ZNF148: variants seen among roughly 807,000 people sequenced by gnomAD.
The protein encoded by ZNF148 is zinc finger protein 148.
ZNF148 carries 7 observed loss-of-function variants against 67.7 expected under a neutral mutation model. That is an observed-to-expected ratio of 0.10 (90% CI 0.06 to 0.19). The LOEUF is 0.19. Ranked by LOEUF, ZNF148 falls within the 10% of genes least tolerant of loss-of-function variation. The probability of loss-of-function intolerance (pLI) is 1.00; values close to 1 mark genes in which losing one functional copy is unlikely to be tolerated. For synonymous variants in ZNF148, 333 were observed against 330.7 expected, an observed-to-expected ratio of 1.01 and a Z score of -0.08; for missense variants, 583 against 947.1, an observed-to-expected ratio of 0.62 and a Z score of 5.05.
Position 125,375,111 on chromosome 3 carries a change from G to A in ZNF148, c.-243C>T, listed in dbSNP as rs367568614. The stretch of plus-strand genomic sequence containing the variant: ...AGGCCGAGCGCTTTACCGCGGGCGG[G>A]CGCCGAGTCGCGCGGTCACCGACTG... On this transcript the variant is annotated 5_prime_UTR_variant, in exon 1 of 9. Transcript: ENST00000360647. 2.0e-5 allele frequency: 3 copies of A among 151,792 alleles called. No homozygotes were observed. The highest frequency in any genetic ancestry group is 2.9e-5 in the Non-Finnish European group (2 of 67,960). 9.4% of individuals were successfully genotyped at this position (151,792 alleles called of 1,614,324 possible).
At chr3:125,260,044 G>A (rs534103653) in intron 7 of ZNF148, among the ~76,000 whole-genome samples, 17 of 152,280 alleles carry the variant, frequency 1.1e-4, no homozygotes, top group Middle Eastern at 6.8e-3. Context: ...CAGCCAGTTG[G>A]TGGAGCAGTT....
chr3:125,326,151 GC>G (rs1941007962), intron 2 of ZNF148, among the ~76,000 whole-genome samples: 1 of 152,034 alleles, frequency 6.6e-6, no homozygotes, highest in East Asian at 1.9e-4. Flanking sequence ...ACTAAAGGAA[GC>G]CCATTAAGCT....
chr3:125,259,399 T>G (rs911513347), intron 7 of ZNF148, among the ~76,000 whole-genome samples: 1 of 152,166 alleles, frequency 6.6e-6, no homozygotes, highest in Non-Finnish European at 1.5e-5. Context: ...TAAGATACTG[T>G]GGAGATGTAA....
At position 125,350,605 on chromosome 3, in the gene ZNF148, T is replaced by G. The variant is rs9855686; in HGVS notation, c.-233-19367A>C. Among the ~76,000 whole-genome samples, 376 of 152,332 alleles carry G rather than the reference T, an allele frequency of 2.5e-3. 2 individuals are homozygous for G. Among genetic ancestry groups the G allele is most frequent in the African/African-American group, 8.7e-3 (361 of 41,572 alleles). ...CAGGATGAAACTGTTCCACCTTAGATCATCAGGCATTAGATTCTCAAAAGG... is the reference window on the plus strand; with the variant it reads ...CAGGATGAAACTGTTCCACCTTAGAGCATCAGGCATTAGATTCTCAAAAGG... On this transcript the variant is annotated intron_variant, in intron 1 of 8. Coordinates refer to ENST00000360647, the MANE Select transcript of ZNF148 (RefSeq NM_021964.3).
intron 7 of ZNF148, among the ~76,000 whole-genome samples, chr3:125,260,046 G>A (rs954043831): frequency 3.9e-5 from 6 of 152,142 alleles, no homozygotes; most frequent in African/African-American, 1.4e-4. Context: ...GCCAGTTGGT[G>A]GAGCAGTTGG....
chr3:125,228,967 A>G lies in ZNF148; in HGVS notation c.*3374T>C, dbSNP rs954283789. On this transcript the variant is annotated 3_prime_UTR_variant, in exon 9 of 9. Coordinates refer to ENST00000360647, the MANE Select transcript of ZNF148 (RefSeq NM_021964.3). ...TTTGTTTCCTACCAAAGTTTAAGTG[A>G]AAAAAGGAAACACGGTTTTTATTTG... The G allele has an allele frequency of 6.6e-6, 1 of 152,602 alleles. No individual in the cohort carries two copies. 9.5% of individuals were successfully genotyped at this position (152,602 alleles called of 1,614,324 possible).
rs947583970 is a variant in ZNF148 at position 125,233,608 on chromosome 3, A to C, written c.1118T>G (p.Val373Gly). ...EYAVEMPHSS[V>G]GGSHLEDASG... ...CGCATCTTCTAAATGCGAGCCCCCA[A>C]CTGACGAATGTGGCATTTCAACAGC... is the stretch of plus-strand genomic sequence containing the variant. Residue 373 changes from valine to glycine, a missense_variant, in exon 9 of 9, where the codon GTT becomes GGT. Val to Gly is a moderately radical substitution (Grantham distance 109). Transcript: ENST00000360647. The surrounding 1 kb of genome is among the most constrained non-coding windows in gnomAD (Gnocchi z 5.1). The C allele has an allele frequency of 1.9e-6, 3 of 1,613,862 alleles. No homozygotes were observed. In the African/African-American group the frequency reaches 4.0e-5, roughly 22 times the overall value.
chr3:125,343,490 G>C, intron 1 of ZNF148, among the ~76,000 whole-genome samples: 1 of 18,350 alleles, frequency 5.4e-5, no homozygotes, highest in Non-Finnish European at 1.2e-4. Flanking sequence ...TCACCAATGA[G>C]CACTCTGTAG....
chr3:125,231,431 C>G lies in ZNF148; in HGVS notation c.*910G>C, dbSNP rs1305655143. On this transcript the variant is annotated 3_prime_UTR_variant, in exon 9 of 9. Transcript: ENST00000360647. ...ATAGATTCTAAGTGCTCTATGTTAA[C>G]TGAAGTGTATATGTAAAGTAAAATA... The G allele has an allele frequency of 6.6e-6, 1 of 152,414 alleles. No homozygotes were observed. The highest frequency in any genetic ancestry group is 1.5e-5 in the Non-Finnish European group (1 of 67,960). The allele number at this position is 152,414 out of a possible 1,614,324, so 9.4% of individuals were successfully genotyped here.
chr3:125,272,122 A>T (rs899842512), intron 7 of ZNF148, among the ~76,000 whole-genome samples: 5 of 152,200 alleles, frequency 3.3e-5, no homozygotes, highest in Non-Finnish European at 5.9e-5. Context: ...CCTAAATCAA[A>T]TTCACTCTTG....
chr3:125,373,711 T>G (rs1452992472), intron 1 of ZNF148, among the ~76,000 whole-genome samples: 1 of 152,214 alleles, frequency 6.6e-6, no homozygotes, highest in African/African-American at 2.4e-5. Flanking sequence ...AATGCCATCA[T>G]GCCTGAATGA....
At chr3:125,236,733 C>G (rs9866637) in intron 7 of ZNF148, among the ~76,000 whole-genome samples, 12,175 of 152,204 alleles carry the variant, frequency 0.08, 593 homozygotes, top group Non-Finnish European at 0.098. Context: ...TGTGCTCTTT[C>G]AAGCTCGAGA....
chr3:125,294,077 A>T (rs903066316), intron 4 of ZNF148, among the ~76,000 whole-genome samples: 2 of 152,228 alleles, frequency 1.3e-5, no homozygotes, highest in African/African-American at 4.8e-5. Flanking sequence ...GGGGGACACA[A>T]CATCACTTCT....
chr3:125,346,217 A>G (rs1941936185), intron 1 of ZNF148, among the ~76,000 whole-genome samples: 1 of 152,198 alleles, frequency 6.6e-6, no homozygotes, highest in African/African-American at 2.4e-5. Context: ...AAGTCCAAAA[A>G]CTTTTATTTT....
At chr3:125,254,903 C>T (rs1019925114) in intron 7 of ZNF148, among the ~76,000 whole-genome samples, 1 of 151,884 alleles carries the variant, frequency 6.6e-6, no homozygotes, top group Non-Finnish European at 1.5e-5. Context: ...GTTCTTTGTT[C>T]TTTTTATTTT....
chr3:125,240,093 T>C (rs1466734768), intron 7 of ZNF148, among the ~76,000 whole-genome samples: 2 of 152,260 alleles, frequency 1.3e-5, no homozygotes, highest in Non-Finnish European at 2.9e-5. Context: ...TTGTGAATTA[T>C]ATCTCAGTAA....
intron 1 of ZNF148, among the ~76,000 whole-genome samples, chr3:125,341,826 C>G (rs553938946): frequency 6.6e-6 from 1 of 151,764 alleles, no homozygotes; most frequent in African/African-American, 2.4e-5. Flanking sequence ...GAAACACCAT[C>G]TCTACAAAAA....
chr3:125,278,125 G>A (rs549455601), intron 6 of ZNF148, among the ~76,000 whole-genome samples: 4 of 152,234 alleles, frequency 2.6e-5, no homozygotes, highest in East Asian at 3.9e-4. Flanking sequence ...AGGTTCTCAC[G>A]TGTCCTAAAC....
chr3:125,230,715 C>G lies in ZNF148; in HGVS notation c.*1626G>C, dbSNP rs1935822128. ...AGAGCTATAGGGCCAGTATAAGAGTCAAAATGGAAATTAAGAATATTTTCA... is the reference window on the plus strand; with the variant it reads ...AGAGCTATAGGGCCAGTATAAGAGTGAAAATGGAAATTAAGAATATTTTCA... On this transcript the variant is annotated 3_prime_UTR_variant, in exon 9 of 9. Coordinates refer to ENST00000360647, the MANE Select transcript of ZNF148 (RefSeq NM_021964.3). The G allele has an allele frequency of 6.6e-6, 1 of 152,160 alleles. No homozygotes were observed. The highest frequency in any genetic ancestry group is 1.5e-5 in the Non-Finnish European group (1 of 67,928). The allele number at this position is 152,160 out of a possible 1,614,324, so 9.4% of individuals were successfully genotyped here. A position where few individuals can be genotyped will look rare whatever the true frequency, so the allele number is the denominator to read the frequency against.
Sources: allele counts gnomAD v4.1 joint callset (sites outside exome capture counted in the v4.1 genomes callset), GRCh38; gene constraint gnomAD v4.1.1; non-coding constraint Gnocchi (gnomAD v3.1); transcripts MANE v1.5; gene names NCBI Gene and HGNC (gene_info 2026-07-23, HGNC 2026-07-21).